The following HMGCLL1 variants were observed in gnomAD, a reference collection of about 807,000 sequenced individuals.
HMGCLL1 encodes 3-hydroxymethyl-3-methylglutaryl-CoA lyase, cytoplasmic.
Under a neutral mutation model 39.1 loss-of-function variants are expected in HMGCLL1, and 36 were observed. The ratio of observed to expected loss-of-function variants is 0.92; its 90% CI spans 0.71 to 1.22. The LOEUF is 1.22. Among genes scored for constraint, HMGCLL1 ranks in the 50% most tolerant of loss-of-function variants. HMGCLL1 has a pLI of 0.00. For missense variants in HMGCLL1, 451 were observed against 416.5 expected, an observed-to-expected ratio of 1.08 and a Z score of -0.72; for synonymous variants, 149 against 144.0, an observed-to-expected ratio of 1.03 and a Z score of -0.25.
intron 7 of HMGCLL1, among the ~76,000 whole-genome samples, chr6:55,479,711 G>A (rs1023676063): frequency 1.3e-5 from 2 of 151,664 alleles, no homozygotes; most frequent in Admixed American, 1.3e-4. Flanking sequence ...ACTTCAGTAT[G>A]TGAAAGCCTG....
chr6:55,442,445 G>C (rs1049840676), intron 7 of HMGCLL1, among the ~76,000 whole-genome samples: 1 of 152,068 alleles, frequency 6.6e-6, no homozygotes, highest in Admixed American at 6.6e-5. Context: ...TGGCCATTGG[G>C]AGCTCTCTCA....
At chr6:55,645,229 GA>G in the HMGCLL1 span, among the ~76,000 whole-genome samples, 1 of 151,694 alleles carries the variant, frequency 6.6e-6, no homozygotes, top group Admixed American at 6.6e-5. Flanking sequence ...AAATGCCACT[GA>G]TTTTTTTATG....
the HMGCLL1 span, among the ~76,000 whole-genome samples, chr6:55,613,777 G>C: frequency 6.6e-6 from 1 of 152,046 alleles, no homozygotes; most frequent in East Asian, 1.9e-4. Context: ...GGGCCTGCCA[G>C]TGGGACAAGG....
intron 1 of HMGCLL1, among the ~76,000 whole-genome samples, chr6:55,545,689 G>A (rs190915726): frequency 6.6e-6 from 1 of 152,198 alleles, no homozygotes; most frequent in East Asian, 1.9e-4. Context: ...ATATGTTCTG[G>A]TGGGGAGATA....
chr6:55,619,466 G>C, the HMGCLL1 span, among the ~76,000 whole-genome samples: 1 of 151,996 alleles, frequency 6.6e-6, no homozygotes, highest in East Asian at 1.9e-4. Context: ...GGGGGGTTCT[G>C]TTGACTACTT....
intron 1 of HMGCLL1, among the ~76,000 whole-genome samples, chr6:55,575,515 T>TA (rs1771719755): frequency 1.3e-5 from 2 of 152,152 alleles, no homozygotes; most frequent in Non-Finnish European, 2.9e-5. Flanking sequence ...AATAAGTTGG[T>TA]AACAGAAAAA....
chr6:55,541,730 T>G lies in HMGCLL1; in HGVS notation c.296A>C (p.Gln99Pro). The change falls in exon 3 of 9, where the codon CAG becomes CCG. Residue 99 changes from glutamine to proline, a missense_variant and splice_region_variant. Coordinates refer to ENST00000274901, the MANE Select transcript of HMGCLL1 (RefSeq NM_001042406.2). ...TSFVSSRWVP[Q>P]MADHTEVMKG... ...TTAAGAAATTGTGGGTTTACATACC[T>G]GTGGTACCCATCTGGAAGACACAAA... 6.5e-7 allele frequency: 1 copy of G among 1,538,010 alleles called. No individual in the cohort carries two copies. The highest frequency in any genetic ancestry group is 8.9e-7 in the Non-Finnish European group (1 of 1,123,598).
At chr6:55,553,736 A>T (rs1770494620) in intron 1 of HMGCLL1, among the ~76,000 whole-genome samples, 1 of 152,084 alleles carries the variant, frequency 6.6e-6, no homozygotes, top group Admixed American at 6.6e-5. Flanking sequence ...TTTTTTTCTG[A>T]TATTTTGCAA....
At chr6:55,480,364 T>C (rs974391119) in intron 7 of HMGCLL1, among the ~76,000 whole-genome samples, 3 of 151,442 alleles carry the variant, frequency 2.0e-5, no homozygotes, top group Admixed American at 1.3e-4. Context: ...AACAAGCATA[T>C]GAAAAGGTTC....
Position 55,520,633 on chromosome 6 carries a change from A to G in HMGCLL1, c.298-4030T>C, listed in dbSNP as rs182170070. Among the ~76,000 whole-genome samples, 317 of 152,124 alleles carry G rather than the reference A, an allele frequency of 2.1e-3. 2 individuals carry two copies. Among genetic ancestry groups the G allele is most frequent in the African/African-American group, 7.4e-3 (309 of 41,534 alleles). On this transcript the variant is annotated intron_variant, in intron 3 of 8. Transcript: ENST00000274901. The stretch of plus-strand genomic sequence containing the variant: ...CTTGGGGAGTTTATGTTATACTTCA[A>G]TCTTAATATTGTTTTAATGTCTAAA...
At chr6:55,444,161 A>G (rs887007181) in intron 7 of HMGCLL1, among the ~76,000 whole-genome samples, 20 of 152,146 alleles carry the variant, frequency 1.3e-4, no homozygotes, top group African/African-American at 4.8e-4. Flanking sequence ...TTGGAACTGA[A>G]GGTAAACAGT....
chr6:55,565,601 A>G (rs1771174070), intron 1 of HMGCLL1, among the ~76,000 whole-genome samples: 1 of 152,084 alleles, frequency 6.6e-6, no homozygotes, highest in South Asian at 2.1e-4. Context: ...CTTTCCCATC[A>G]AAAGGTCAAC....
At chr6:55,485,571 G>C (rs1208412387) in intron 7 of HMGCLL1, among the ~76,000 whole-genome samples, 1 of 151,784 alleles carries the variant, frequency 6.6e-6, no homozygotes, top group Non-Finnish European at 1.5e-5. Flanking sequence ...TAATATTTGA[G>C]AGATAATATC....
chr6:55,626,675 G>A, the HMGCLL1 span, among the ~76,000 whole-genome samples: 7 of 151,966 alleles, frequency 4.6e-5, no homozygotes, highest in Non-Finnish European at 7.4e-5. Flanking sequence ...CTGTTCCTGC[G>A]ACATTATGTT....
At chr6:55,559,327 G>A (rs898136143) in intron 1 of HMGCLL1, among the ~76,000 whole-genome samples, 3 of 152,054 alleles carry the variant, frequency 2.0e-5, no homozygotes, top group African/African-American at 7.2e-5. Flanking sequence ...AGAAAAAGAG[G>A]AGCCTTCCTA....
At chr6:55,563,883 T>C (rs771769245) in intron 1 of HMGCLL1, 3 of 1,288,060 alleles carry the variant, frequency 2.3e-6, no homozygotes, top group South Asian at 1.2e-5. Flanking sequence ...GAGAGGTCCA[T>C]GGTGCAGCAT....
the HMGCLL1 span, among the ~76,000 whole-genome samples, chr6:55,659,086 A>G: frequency 6.6e-6 from 1 of 151,846 alleles, no homozygotes; most frequent in Non-Finnish European, 1.5e-5. Context: ...AGAGAAGGGG[A>G]CACATGTAAT....
At chr6:55,490,724 T>G (rs996384461) in intron 7 of HMGCLL1, among the ~76,000 whole-genome samples, 4 of 152,182 alleles carry the variant, frequency 2.6e-5, no homozygotes, top group Non-Finnish European at 5.9e-5. Flanking sequence ...AAACAGCTTT[T>G]TCCAACTATC....
the HMGCLL1 span, among the ~76,000 whole-genome samples, chr6:55,672,648 T>A: frequency 2.6e-5 from 4 of 151,944 alleles, no homozygotes; most frequent in Admixed American, 1.3e-4. Context: ...GGCTTGTTAC[T>A]GAACATTAGC....
Sources: allele counts gnomAD v4.1 joint callset (sites outside exome capture counted in the v4.1 genomes callset), GRCh38; gene constraint gnomAD v4.1.1; transcripts MANE v1.5; gene names NCBI Gene and HGNC (gene_info 2026-07-23, HGNC 2026-07-21).